SLC25A23: variants seen among roughly 807,000 people sequenced by gnomAD.
SLC25A23 encodes the protein mitochondrial adenyl nucleotide antiporter SLC25A23.
Under a neutral mutation model 53.9 loss-of-function variants are expected in SLC25A23, and 32 were observed. The observed-to-expected ratio is 0.59, with a 90% CI of 0.45 to 0.80. The LOEUF (loss-of-function observed/expected upper bound fraction) is 0.80, where lower values mean the gene tolerates loss of function less well. Among genes scored for constraint, SLC25A23 ranks in the 30% least tolerant of loss-of-function variants. SLC25A23 has a pLI of 0.00. For missense variants in SLC25A23, 575 were observed against 651.4 expected (o/e 0.88, Z 1.28); for synonymous variants, 275 against 264.5 (o/e 1.04, Z -0.38).
chr19:6,454,815 C>T lies in SLC25A23; in HGVS notation c.484-98G>A, dbSNP rs2092653947. ...AGTCTCCTCTATGAATCCTAGGATA[C>T]CCTAGAGTCTGCCAATGACTCTTGC... On this transcript the variant is annotated intron_variant, in intron 4 of 9. Coordinates refer to ENST00000301454, the MANE Select transcript of SLC25A23 (RefSeq NM_024103.3). This position sits in a 1 kb window ranked among gnomAD's most constrained non-coding sequence, Gnocchi z 4.3. 1 of 1,415,268 alleles carries T rather than the reference C, an allele frequency of 7.1e-7. No homozygotes were observed. The highest frequency in any genetic ancestry group is 1.4e-5 in the African/African-American group (1 of 70,024). The allele number at this position is 1,415,268 out of a possible 1,614,324, so 87.7% of individuals were successfully genotyped here. A position where few individuals can be genotyped will look rare whatever the true frequency, so the allele number is the denominator to read the frequency against.
downstream of SLC25A23, among the ~76,000 whole-genome samples, chr19:6,439,033 T>C (rs2092374270): frequency 6.7e-6 from 1 of 148,782 alleles, no homozygotes; most frequent in African/African-American, 2.5e-5. Flanking sequence ...AGAGCGAGAC[T>C]GCATCACAAA....
intron 2 of SLC25A23, 148 bp downstream of exon 2, chr19:6,458,050 G>A (rs1367267329): frequency 1.9e-6 from 2 of 1,065,394 alleles, no homozygotes; most frequent in Non-Finnish European, 2.6e-6. Flanking sequence ...TAGGGGGTGA[G>A]GAGTGCTCCT....
chr19:6,438,778 G>A (rs2092369646), downstream of SLC25A23: 2 of 336,328 alleles, frequency 5.9e-6, no homozygotes, highest in Non-Finnish European at 6.4e-6. Context: ...GAACCTGGAA[G>A]GCAGAGGTTG....
downstream of SLC25A23, among the ~76,000 whole-genome samples, chr19:6,439,259 G>A (rs752371635): frequency 2.6e-5 from 4 of 151,610 alleles, no homozygotes; most frequent in East Asian, 1.9e-4. Context: ...GTGTGCCTGC[G>A]GTCCCTGTGG....
At position 6,457,570 on chromosome 19, in the gene SLC25A23, T is replaced by C. The variant is rs2092699428; in HGVS notation, c.304A>G (p.Ile102Val). Reference protein sequence around the residue: ...NQDGHIDVSEIQQSFRALGIS... With the variant: ...NQDGHIDVSEVQQSFRALGIS... ...CCCAGAGCTCGGAAACTCTGTTGGATCTCAGAGACATCAATGTGACCTGGG... is the reference window on the plus strand; with the variant it reads ...CCCAGAGCTCGGAAACTCTGTTGGACCTCAGAGACATCAATGTGACCTGGG... Residue 102 changes from isoleucine to valine, a missense_variant, in exon 3 of 10, where the codon ATC becomes GTC. Transcript: ENST00000301454. 6.2e-7 allele frequency: 1 copy of C among 1,613,910 alleles called. No individual in the cohort carries two copies. Among genetic ancestry groups the C allele is most frequent in the Non-Finnish European group, 8.5e-7 (1 of 1,179,986 alleles).
rs577620844 is a variant in SLC25A23, at chr19:6,452,612, C to G, written c.904-133G>C. On this transcript the variant is annotated intron_variant, in intron 7 of 9. Transcript: ENST00000301454. ...AACCGAATTTTAAAAACCACCTACT[C>G]TAGAATCTTCTGCTATCCCCAAATC... The G allele has an allele frequency of 3.8e-5, 41 of 1,066,838 alleles. No homozygotes were observed. The African/African-American group carries it at 5.5e-4, about 14-fold the overall frequency. 66.1% of individuals were successfully genotyped at this position (1,066,838 alleles called of 1,614,324 possible).
At chr19:6,447,229 T>C (rs2092517830) in intron 8 of SLC25A23, among the ~76,000 whole-genome samples, 1 of 152,174 alleles carries the variant, frequency 6.6e-6, no homozygotes, top group Non-Finnish European at 1.5e-5. Flanking sequence ...TCTCATTACC[T>C]CCCCAATAAA....
downstream of SLC25A23, among the ~76,000 whole-genome samples, chr19:6,439,038 CACAA>C (rs906529155): frequency 6.6e-5 from 10 of 151,986 alleles, no homozygotes; most frequent in South Asian, 8.3e-4. Context: ...GAGACTGCAT[CACAA>C]ACAAACAAGC....
chr19:6,446,988 T>C (rs2144864256), intron 8 of SLC25A23, among the ~76,000 whole-genome samples: 1 of 151,952 alleles, frequency 6.6e-6, no homozygotes, highest in Middle Eastern at 3.4e-3. Flanking sequence ...AGCCAAAGAA[T>C]GTCCAGGGTT....
chr19:6,439,696 G>A (rs1025333820), downstream of SLC25A23, among the ~76,000 whole-genome samples: 3 of 151,788 alleles, frequency 2.0e-5, no homozygotes, highest in African/African-American at 7.3e-5. Context: ...CGGGCGTGGT[G>A]GTGGGTGCCT....
At chr19:6,452,640 T>C (rs1216400941) in intron 7 of SLC25A23, 161 bp from the exon 8 acceptor site, 8 of 795,372 alleles carry the variant, frequency 1.0e-5, no homozygotes, top group Non-Finnish European at 1.5e-5. Context: ...CCCAAATCCC[T>C]ATACCTAGAA....
At chr19:6,448,401 T>C (rs1408151826) in intron 8 of SLC25A23, among the ~76,000 whole-genome samples, 1 of 152,128 alleles carries the variant, frequency 6.6e-6, no homozygotes, top group East Asian at 1.9e-4. Context: ...AATGGGTTAT[T>C]ATTAAGATCA....
At chr19:6,439,399 T>TCTCACACACACA (rs1196510603), downstream of SLC25A23, among the ~76,000 whole-genome samples, 5 of 123,988 alleles carry the variant, frequency 4.0e-5, no homozygotes, top group African/African-American at 1.6e-4. Context: ...TCTCTCTCTC[T>TCTCACACACACA]CACACACACA....
intron 4 of SLC25A23, among the ~76,000 whole-genome samples, chr19:6,455,728 T>G (rs2092671513): frequency 1.1e-5 from 1 of 93,408 alleles, no homozygotes; most frequent in Non-Finnish European, 2.4e-5. Flanking sequence ...TTTTTTTTTT[T>G]TTTTTTTGAG....
Position 6,441,826 on chromosome 19 carries a change from A to G in SLC25A23, c.*149T>C, listed in dbSNP as rs1305394754. ...AGGATCTGGATGCTGGGATCCCATG[A>G]CCCAATGGTTGGGGCATAGGAGTCT... On this transcript the variant is annotated 3_prime_UTR_variant, in exon 10 of 10. Coordinates refer to ENST00000301454, the MANE Select transcript of SLC25A23 (RefSeq NM_024103.3). 1 of 653,470 alleles carries G rather than the reference A, an allele frequency of 1.5e-6. No homozygotes were observed. Among genetic ancestry groups the G allele is most frequent in the African/African-American group, 2.4e-5 (1 of 41,422 alleles). The allele number at this position is 653,470 out of a possible 1,614,324, so 40.5% of individuals were successfully genotyped here.
At position 6,441,968 on chromosome 19, in the gene SLC25A23, G is replaced by A. The variant is rs115921742; in HGVS notation, c.*7C>T. 3,402 of 1,612,958 alleles carry A rather than the reference G, an allele frequency of 2.1e-3. 60 individuals are homozygous for A. In the African/African-American group the frequency reaches 0.037, roughly 18 times the overall value. ...GTGAGGGATTGGGGGGACGGGCTCC[G>A]GGTCCCTCACCTGGACGTGACCCCC... is the stretch of plus-strand genomic sequence containing the variant. On this transcript the variant is annotated 3_prime_UTR_variant, in exon 10 of 10. Coordinates refer to ENST00000301454, the MANE Select transcript of SLC25A23 (RefSeq NM_024103.3).
intron 8 of SLC25A23, among the ~76,000 whole-genome samples, chr19:6,446,858 T>A (rs2092512393): frequency 1.3e-5 from 2 of 152,010 alleles, no homozygotes; most frequent in Admixed American, 6.6e-5. Context: ...ATGAGTAGGG[T>A]AACAGGGTAG....
rs2092419834 is a variant in SLC25A23 at position 6,441,442 on chromosome 19, G to A, written c.*533C>T. 1.9e-5 allele frequency: 3 copies of A among 157,966 alleles called. No individual in the cohort carries two copies. 9.8% of individuals were successfully genotyped at this position (157,966 alleles called of 1,614,324 possible). On this transcript the variant is annotated 3_prime_UTR_variant, in exon 10 of 10. Coordinates refer to ENST00000301454, the MANE Select transcript of SLC25A23 (RefSeq NM_024103.3). ...CTAGGACACTGGATCTGGTGCCTGAGGGAGGCAGGGTCTGGGTGTTGAGGT... is the reference window on the plus strand; with the variant it reads ...CTAGGACACTGGATCTGGTGCCTGAAGGAGGCAGGGTCTGGGTGTTGAGGT...
Position 6,458,199 on chromosome 19 carries a change from A to C in SLC25A23, c.282T>G (p.Asp94Glu), listed in dbSNP as rs749811055. 1.2e-6 allele frequency: 2 copies of C among 1,613,028 alleles called. No individual in the cohort carries two copies. The highest frequency in any genetic ancestry group is 1.7e-6 in the Non-Finnish European group (2 of 1,179,866). The stretch of plus-strand genomic sequence containing the variant: ...TGCAGGCAGGTCGCCCGACCTTACC[A>C]TCCTGGTTCCGGTCAAGACTGTGAA... ...LMFHSLDRNQ[D>E]GHIDVSEIQQ... Residue 94 changes from aspartate (D) to glutamate (E), a missense_variant and splice_region_variant, in exon 2 of 10, where the codon GAT becomes GAG. Asp to Glu is a conservative substitution (Grantham distance 45, BLOSUM62 2). Coordinates refer to ENST00000301454, the MANE Select transcript of SLC25A23 (RefSeq NM_024103.3).
Sources: allele counts gnomAD v4.1 joint callset (sites outside exome capture counted in the v4.1 genomes callset), GRCh38; gene constraint gnomAD v4.1.1; non-coding constraint Gnocchi (gnomAD v3.1); transcripts MANE v1.5; gene names NCBI Gene and HGNC (gene_info 2026-07-23, HGNC 2026-07-21).